MRPL13: variants seen among roughly 807,000 people sequenced by gnomAD.
The protein encoded by MRPL13 is large ribosomal subunit protein uL13m.
A neutral mutation model predicts 29.0 loss-of-function variants in MRPL13; 33 were observed. That is an observed-to-expected ratio of 1.14 (90% confidence interval 0.86 to 1.52). The LOEUF (loss-of-function observed/expected upper bound fraction) is 1.52, where lower values mean the gene tolerates loss of function less well. MRPL13 is among the 40% of genes most tolerant of loss of function. MRPL13 has a pLI of 0.00. For synonymous variants in MRPL13, 77 were observed against 68.4 expected (o/e 1.13, Z -0.62); for missense variants, 227 against 216.7 (o/e 1.05, Z -0.30).
At chr8:120,405,572 C>T (rs749207319) in intron 6 of MRPL13, among the ~76,000 whole-genome samples, 1 of 152,186 alleles carries the variant, frequency 6.6e-6, no homozygotes, top group African/African-American at 2.4e-5. Flanking sequence ...CAGAGGAGCA[C>T]CTTCAGTAAG....
chr8:120,444,968 C>T (rs1813186698), intron 1 of MRPL13, 100 bp downstream of exon 1: 12 of 1,547,416 alleles, frequency 7.8e-6, no homozygotes, highest in Admixed American at 1.7e-5. Context: ...AGGGTCTCGG[C>T]TTCCCTGCCG....
At chr8:120,443,041 T>C in intron 2 of MRPL13, 144 bp downstream of exon 2, 1 of 832,048 alleles carries the variant, frequency 1.2e-6, no homozygotes, top group Non-Finnish European at 1.7e-6. Flanking sequence ...TTTTGGGCGC[T>C]AGTATGGTTT....
intron 3 of MRPL13, among the ~76,000 whole-genome samples, chr8:120,429,143 T>C (rs1586925530): frequency 6.6e-6 from 1 of 152,078 alleles, no homozygotes; most frequent in South Asian, 2.1e-4. Context: ...AGTACATATA[T>C]ACCATGAAAT....
At chr8:120,432,530 T>G (rs191313382) in intron 2 of MRPL13, among the ~76,000 whole-genome samples, 11 of 152,078 alleles carry the variant, frequency 7.2e-5, no homozygotes, top group Non-Finnish European at 1.6e-4. Context: ...GAAAACAGTA[T>G]GTATATAGAT....
chr8:120,416,508 A>C (rs1460229755), intron 5 of MRPL13, among the ~76,000 whole-genome samples: 2 of 151,944 alleles, frequency 1.3e-5, no homozygotes, highest in African/African-American at 2.4e-5. Context: ...TAAATAAATA[A>C]ATAAATAAAA....
chr8:120,401,913 A>T (rs1303270783), intron 6 of MRPL13, among the ~76,000 whole-genome samples: 1 of 152,154 alleles, frequency 6.6e-6, no homozygotes, highest in Non-Finnish European at 1.5e-5. Flanking sequence ...GCTACAAAAG[A>T]ATAAAATACC....
intron 2 of MRPL13, among the ~76,000 whole-genome samples, chr8:120,433,153 G>A (rs1213393561): frequency 6.6e-6 from 1 of 152,062 alleles, no homozygotes; most frequent in Non-Finnish European, 1.5e-5. Context: ...TGGGAAGCTT[G>A]CTGTTATTAG....
intron 6 of MRPL13, among the ~76,000 whole-genome samples, chr8:120,406,299 G>A (rs1812667145): frequency 1.3e-5 from 2 of 152,160 alleles, no homozygotes; most frequent in Admixed American, 1.3e-4. Context: ...AGTAAGGCCT[G>A]TTAAGAAAAA....
chr8:120,443,884 A>G (rs1048205143), intron 1 of MRPL13, among the ~76,000 whole-genome samples: 12 of 152,122 alleles, frequency 7.9e-5, no homozygotes, highest in African/African-American at 2.9e-4. Context: ...TGAAATAGGT[A>G]TCTTTAGGTT....
intron 3 of MRPL13, among the ~76,000 whole-genome samples, chr8:120,431,103 G>A (rs901740493): frequency 3.9e-5 from 6 of 152,118 alleles, no homozygotes; most frequent in African/African-American, 1.4e-4. Context: ...ATGGGCAAAG[G>A]CTGGCTCAAG....
intron 3 of MRPL13, among the ~76,000 whole-genome samples, chr8:120,426,502 A>G (rs1377141047): frequency 1.3e-5 from 2 of 152,106 alleles, no homozygotes; most frequent in East Asian, 3.8e-4. Flanking sequence ...CTCCATGGAA[A>G]AAAATATTTT....
chr8:120,404,955 T>C (rs754311884), intron 6 of MRPL13, among the ~76,000 whole-genome samples: 1 of 152,198 alleles, frequency 6.6e-6, no homozygotes, highest in Non-Finnish European at 1.5e-5. Context: ...TAATGCCTGA[T>C]ACACAGTGGA....
At chr8:120,444,334 A>G (rs187540008) in intron 1 of MRPL13, among the ~76,000 whole-genome samples, 5 of 152,276 alleles carry the variant, frequency 3.3e-5, no homozygotes, top group Non-Finnish European at 4.4e-5. Flanking sequence ...ATATAACCCA[A>G]ACTAACTCCT....
At chr8:120,400,928 A>G (rs1812588502) in intron 6 of MRPL13, among the ~76,000 whole-genome samples, 1 of 152,030 alleles carries the variant, frequency 6.6e-6, no homozygotes, top group Admixed American at 6.6e-5. Flanking sequence ...TCCTAGATAC[A>G]AAAACCCTCC....
intron 2 of MRPL13, among the ~76,000 whole-genome samples, chr8:120,436,231 T>C (rs1174758278): frequency 6.6e-6 from 1 of 152,166 alleles, no homozygotes; most frequent in African/African-American, 2.4e-5. Context: ...AGTAAGCTCA[T>C]GTTTAGTTTT....
intron 3 of MRPL13, 139 bp downstream of exon 3, chr8:120,431,891 A>C: frequency 1.8e-6 from 1 of 563,356 alleles, no homozygotes; most frequent in Non-Finnish European, 2.9e-6. Flanking sequence ...AATTGAGTAA[A>C]TTATATACAT....
intron 6 of MRPL13, among the ~76,000 whole-genome samples, chr8:120,406,984 G>C (rs372095034): frequency 7.9e-5 from 12 of 152,072 alleles, no homozygotes; most frequent in African/African-American, 2.4e-4. Context: ...ATATTCTCTG[G>C]TGCTTGTGAC....
At chr8:120,439,599 A>C (rs903894326) in intron 2 of MRPL13, among the ~76,000 whole-genome samples, 6 of 152,320 alleles carry the variant, frequency 3.9e-5, no homozygotes, top group Non-Finnish European at 8.8e-5. Context: ...CAGGCTACTC[A>C]CAAAACATCT....
intron 6 of MRPL13, among the ~76,000 whole-genome samples, chr8:120,407,648 T>TAAAACAAAACAAAACAAAAC (rs55919521): frequency 1.2e-4 from 18 of 146,246 alleles, no homozygotes; most frequent in Non-Finnish European, 2.1e-4. Context: ...AAACTCCATC[T>TAAAACAAAACAAAACAAAAC]AAAACAAAAC....
Sources: gnomAD v4.1 joint callset for allele counts (sites outside exome capture counted in the v4.1 genomes callset) on GRCh38, gnomAD v4.1.1 for gene constraint, MANE v1.5 for transcripts, NCBI Gene and HGNC (gene_info 2026-07-23, HGNC 2026-07-21) for gene names.